Variants in GRM1 observed in about 807,000 individuals in gnomAD.
GRM1 encodes metabotropic glutamate receptor 1.
GRM1 carries 33 observed loss-of-function variants against 90.9 expected under a neutral mutation model. That is an observed-to-expected ratio of 0.36 (90% CI 0.28 to 0.49). The LOEUF (loss-of-function observed/expected upper bound fraction) is 0.49, where lower values mean the gene tolerates loss of function less well. GRM1 is among the 20% of genes least tolerant of loss of function. The pLI, the probability that GRM1 is intolerant of heterozygous loss-of-function variation, is 0.99. For synonymous variants in GRM1, 700 were observed against 613.2 expected, an observed-to-expected ratio of 1.14 and a Z score of -2.09; for missense variants, 1,190 against 1,534.3, an observed-to-expected ratio of 0.78 and a Z score of 3.75.
chr6:146,108,243 G>A (rs895630532), intron 1 of GRM1, among the ~76,000 whole-genome samples: 1 of 152,136 alleles, frequency 6.6e-6, no homozygotes, highest in African/African-American at 2.4e-5. Context: ...CTACCAGCAT[G>A]ATCTCACCAT....
chr6:146,357,253 A>G (rs2115053221), intron 4 of GRM1, among the ~76,000 whole-genome samples: 1 of 152,364 alleles, frequency 6.6e-6, no homozygotes, highest in African/African-American at 2.4e-5. Flanking sequence ...AACTTAGCAA[A>G]CATAGCATTA....
At chr6:146,285,911 T>C (rs1583275467) in intron 2 of GRM1, among the ~76,000 whole-genome samples, 2 of 152,224 alleles carry the variant, frequency 1.3e-5, no homozygotes, top group Admixed American at 6.5e-5. Flanking sequence ...GATATGCATA[T>C]TTCATATTTT....
intron 2 of GRM1, among the ~76,000 whole-genome samples, chr6:146,261,151 C>T (rs1781682104): frequency 6.6e-6 from 1 of 152,006 alleles, no homozygotes; most frequent in African/African-American, 2.4e-5. Context: ...GAGCAAGCTA[C>T]AGACCGTGGA....
chr6:146,363,697 C>G (rs1045192987), intron 5 of GRM1, among the ~76,000 whole-genome samples: 2 of 152,232 alleles, frequency 1.3e-5, no homozygotes, highest in Non-Finnish European at 2.9e-5. Context: ...TAGGTGTGTT[C>G]TCAGCTATTT....
chr6:146,087,550 A>G (rs1776587715), intron 1 of GRM1, among the ~76,000 whole-genome samples: 1 of 152,184 alleles, frequency 6.6e-6, no homozygotes, highest in Non-Finnish European at 1.5e-5. Context: ...CTCCACCATC[A>G]CAAAGATCCT....
At chr6:146,084,570 G>A (rs1046126248) in intron 1 of GRM1, among the ~76,000 whole-genome samples, 4 of 152,092 alleles carry the variant, frequency 2.6e-5, no homozygotes, top group African/African-American at 9.7e-5. Flanking sequence ...TTAATCCTGA[G>A]TTCTAATTTG....
At chr6:146,195,207 A>T (rs1238384452) in intron 2 of GRM1, among the ~76,000 whole-genome samples, 4 of 152,346 alleles carry the variant, frequency 2.6e-5, no homozygotes, top group Admixed American at 1.3e-4. Context: ...GAAGCTAAGA[A>T]AGCTTAAGAA....
intron 1 of GRM1, among the ~76,000 whole-genome samples, chr6:146,048,417 G>A (rs555198745): frequency 9.9e-5 from 15 of 151,914 alleles, no homozygotes; most frequent in Non-Finnish European, 2.2e-4. Context: ...TTTCCTTTGC[G>A]TTTTTGAGTG....
chr6:146,303,599 C>A (rs757326211), intron 2 of GRM1, among the ~76,000 whole-genome samples: 1 of 152,146 alleles, frequency 6.6e-6, no homozygotes, highest in Non-Finnish European at 1.5e-5. Context: ...AAACCCCTCC[C>A]TTCCAGTTTC....
At chr6:146,130,010 A>G (rs1268904467) in intron 1 of GRM1, among the ~76,000 whole-genome samples, 1 of 152,190 alleles carries the variant, frequency 6.6e-6, no homozygotes, top group African/African-American at 2.4e-5. Context: ...TATTGGCTTT[A>G]GAAAGGCAAT....
At chr6:146,235,380 G>A (rs1001816828) in intron 2 of GRM1, among the ~76,000 whole-genome samples, 1 of 151,992 alleles carries the variant, frequency 6.6e-6, no homozygotes, top group Non-Finnish European at 1.5e-5. Context: ...ATATGTCCAA[G>A]GATTTGTGTG....
intron 1 of GRM1, among the ~76,000 whole-genome samples, chr6:146,113,223 A>G (rs1416492431): frequency 1.3e-5 from 2 of 152,160 alleles, no homozygotes; most frequent in Admixed American, 6.5e-5. Flanking sequence ...TGTTTCCTCT[A>G]CACTGCCAAG....
chr6:146,053,033 C>T (rs1261547690), intron 1 of GRM1, among the ~76,000 whole-genome samples: 2 of 152,002 alleles, frequency 1.3e-5, no homozygotes, highest in Admixed American at 6.6e-5. Flanking sequence ...AATTGACCTA[C>T]GGTACCCTTT....
At chr6:146,134,535 A>G (rs1476766423) in intron 1 of GRM1, among the ~76,000 whole-genome samples, 2 of 152,198 alleles carry the variant, frequency 1.3e-5, no homozygotes, top group African/African-American at 2.4e-5. Context: ...GGAAGCAAAC[A>G]TGTCCTTCTT....
intron 1 of GRM1, among the ~76,000 whole-genome samples, chr6:146,109,569 A>G (rs1775468368): frequency 6.6e-6 from 1 of 152,220 alleles, no homozygotes; most frequent in South Asian, 2.1e-4. Flanking sequence ...GCAGCGCAGA[A>G]GGGAAATGTG....
intron 2 of GRM1, among the ~76,000 whole-genome samples, chr6:146,268,362 T>C (rs1781995902): frequency 6.6e-6 from 1 of 152,252 alleles, no homozygotes; most frequent in South Asian, 2.1e-4. Context: ...TGACTTCTTT[T>C]CCAAAGGCTT....
intron 1 of GRM1, among the ~76,000 whole-genome samples, chr6:146,075,270 A>G (rs1776146490): frequency 6.6e-6 from 1 of 152,220 alleles, no homozygotes; most frequent in Non-Finnish European, 1.5e-5. Flanking sequence ...CTAAAATAAT[A>G]AAAAGCACAA....
At chr6:146,192,965 G>C (rs1221167846) in intron 2 of GRM1, among the ~76,000 whole-genome samples, 1 of 151,924 alleles carries the variant, frequency 6.6e-6, no homozygotes, top group Non-Finnish European at 1.5e-5. Flanking sequence ...GGTGAAAAGT[G>C]GCCAGATTAA....
At chr6:146,390,598 G>A (rs1025004420) in intron 6 of GRM1, among the ~76,000 whole-genome samples, 1 of 149,768 alleles carries the variant, frequency 6.7e-6, no homozygotes, top group Admixed American at 6.7e-5. Context: ...AAAAAAAAAC[G>A]GAAAATGCTT....
Sources: gnomAD v4.1 joint callset for allele counts (sites outside exome capture counted in the v4.1 genomes callset) on GRCh38, gnomAD v4.1.1 for gene constraint, MANE v1.5 for transcripts, NCBI Gene and HGNC (gene_info 2026-07-23, HGNC 2026-07-21) for gene names.